BBX: variants seen among roughly 807,000 people sequenced by gnomAD.
BBX encodes the protein BBX high mobility group box domain containing.
A neutral mutation model predicts 100.2 loss-of-function variants in BBX; 30 were observed. That is an observed-to-expected ratio of 0.30 (90% CI 0.22 to 0.41). BBX has a LOEUF of 0.41. Among genes scored for constraint, BBX ranks in the 10% least tolerant of loss-of-function variants. BBX has a pLI of 1.00. For synonymous variants in BBX, 376 were observed against 388.1 expected (o/e 0.97, Z 0.37); for missense variants, 1,023 against 1,129.8 (o/e 0.91, Z 1.35).
intron 7 of BBX, among the ~76,000 whole-genome samples, chr3:107,743,918 G>GTT (rs34762783): frequency 3.7e-4 from 21 of 56,618 alleles, no homozygotes; most frequent in East Asian, 7.9e-4. Flanking sequence ...TGTTTTAGTG[G>GTT]TTTTTTTTTT....
intron 13 of BBX, among the ~76,000 whole-genome samples, chr3:107,789,470 A>G (rs17812907): frequency 0.12 from 17,581 of 152,132 alleles, 1,330 homozygotes; most frequent in Middle Eastern, 0.18. Context: ...TCTTTTCTCT[A>G]TTACAGACTC....
At chr3:107,703,211 G>A (rs73206993) in intron 3 of BBX, among the ~76,000 whole-genome samples, 2 of 152,120 alleles carry the variant, frequency 1.3e-5, no homozygotes, top group East Asian at 1.9e-4. Context: ...TAGAAATTTG[G>A]TGACTTTTTG....
chr3:107,552,819 T>C (rs900237185), intron 2 of BBX, among the ~76,000 whole-genome samples: 3 of 152,224 alleles, frequency 2.0e-5, no homozygotes, highest in Non-Finnish European at 4.4e-5. Context: ...AGCACAGATA[T>C]ATTTCAGCTA....
intron 5 of BBX, among the ~76,000 whole-genome samples, chr3:107,720,818 ATTAT>A (rs1245822032): frequency 1.3e-5 from 2 of 151,834 alleles, no homozygotes; most frequent in Non-Finnish European, 2.9e-5. Context: ...TCTATTTTTG[ATTAT>A]TTATTTTCAG....
At chr3:107,525,058 G>T (rs1300426278) in intron 1 of BBX, among the ~76,000 whole-genome samples, 1 of 150,160 alleles carries the variant, frequency 6.7e-6, no homozygotes, top group Non-Finnish European at 1.5e-5. Context: ...GGCGGCGTGG[G>T]GGCCCCCACG....
chr3:107,768,687 G>A (rs2066598064), intron 10 of BBX, among the ~76,000 whole-genome samples: 1 of 151,834 alleles, frequency 6.6e-6, no homozygotes, highest in Admixed American at 6.6e-5. Context: ...CATATTATGT[G>A]GGTATAGAAA....
chr3:107,595,546 T>G (rs1025247790), intron 2 of BBX, among the ~76,000 whole-genome samples: 21 of 152,308 alleles, frequency 1.4e-4, no homozygotes, highest in African/African-American at 5.1e-4. Flanking sequence ...GAAAGTATAA[T>G]AATACGGACT....
intron 7 of BBX, among the ~76,000 whole-genome samples, chr3:107,736,928 A>G (rs2063673205): frequency 6.6e-6 from 1 of 152,092 alleles, no homozygotes; most frequent in East Asian, 1.9e-4. Context: ...GTGTAGTTGT[A>G]TGACTGTTGG....
At chr3:107,744,546 A>G in intron 7 of BBX, 84 bp from the exon 8 acceptor site, 2 of 992,516 alleles carry the variant, frequency 2.0e-6, no homozygotes, top group Non-Finnish European at 3.1e-6. Flanking sequence ...GATAATAAAG[A>G]TCGCAAATGA....
chr3:107,646,687 A>T (rs2057538793), intron 3 of BBX, among the ~76,000 whole-genome samples: 1 of 152,270 alleles, frequency 6.6e-6, no homozygotes, highest in Admixed American at 6.5e-5. Context: ...CTGAAGAAAC[A>T]GTTGTGAATT....
intron 2 of BBX, among the ~76,000 whole-genome samples, chr3:107,579,680 G>A (rs2052118353): frequency 2.0e-5 from 3 of 152,196 alleles, no homozygotes; most frequent in African/African-American, 7.2e-5. Context: ...TGTTGAGGGA[G>A]CCTCTTTTAT....
intron 3 of BBX, among the ~76,000 whole-genome samples, chr3:107,670,288 T>C (rs1281160569): frequency 6.6e-6 from 1 of 152,100 alleles, no homozygotes; most frequent in Admixed American, 6.6e-5. Context: ...GTCTTAATTT[T>C]CAAGAATAAA....
intron 7 of BBX, among the ~76,000 whole-genome samples, chr3:107,741,621 T>C (rs977105605): frequency 6.6e-6 from 1 of 152,194 alleles, no homozygotes; most frequent in Non-Finnish European, 1.5e-5. Flanking sequence ...CAAATATCTT[T>C]GACTATTTTG....
chr3:107,653,126 G>A (rs2057941056), intron 3 of BBX, among the ~76,000 whole-genome samples: 1 of 152,160 alleles, frequency 6.6e-6, no homozygotes, highest in Admixed American at 6.5e-5. Context: ...TTCAGGGAGA[G>A]GAGTGTTCTT....
At chr3:107,582,117 C>T (rs959417679) in intron 2 of BBX, among the ~76,000 whole-genome samples, 18 of 151,760 alleles carry the variant, frequency 1.2e-4, no homozygotes, top group Middle Eastern at 3.2e-3. Flanking sequence ...CAAATTTTCG[C>T]CAAACCTTCT....
intron 5 of BBX, among the ~76,000 whole-genome samples, chr3:107,725,020 T>C (rs1222420751): frequency 1.3e-5 from 2 of 152,190 alleles, no homozygotes; most frequent in Non-Finnish European, 2.9e-5. Context: ...TTTCACGATA[T>C]TGATTATTCC....
At chr3:107,529,561 C>A (rs546634350) in intron 2 of BBX, among the ~76,000 whole-genome samples, 5 of 152,328 alleles carry the variant, frequency 3.3e-5, no homozygotes, top group Admixed American at 3.3e-4. Flanking sequence ...GCTCTTCCAG[C>A]TTGAAGATTC....
chr3:107,628,872 C>T (rs1012140593), intron 2 of BBX, among the ~76,000 whole-genome samples: 2 of 152,038 alleles, frequency 1.3e-5, no homozygotes, highest in Non-Finnish European at 2.9e-5. Context: ...TGTATTAGTA[C>T]CCGAGAGAAG....
intron 12 of BBX, among the ~76,000 whole-genome samples, chr3:107,775,807 G>A (rs182660414): frequency 9.9e-5 from 15 of 152,128 alleles, no homozygotes; most frequent in African/African-American, 1.4e-4. Context: ...ACAAAGTAGC[G>A]AGGTAGAAAT....
Sources: allele counts gnomAD v4.1 joint callset (sites outside exome capture counted in the v4.1 genomes callset), GRCh38; gene constraint gnomAD v4.1.1; transcripts MANE v1.5; gene names NCBI Gene and HGNC (gene_info 2026-07-23, HGNC 2026-07-21).